The following DYTN variants were observed in gnomAD, a reference collection of about 807,000 sequenced individuals.
DYTN encodes dystrotelin.
DYTN carries 75 observed loss-of-function variants against 69.6 expected under a neutral mutation model. The observed-to-expected ratio is 1.08, with a 90% CI of 0.89 to 1.31. The LOEUF is 1.31. Among genes scored for constraint, DYTN ranks in the 50% most tolerant of loss-of-function variants. The probability of loss-of-function intolerance (pLI) is 0.00; values close to 1 mark genes in which losing one functional copy is unlikely to be tolerated. For synonymous variants in DYTN, 252 were observed against 249.1 expected (o/e 1.01, Z -0.11); for missense variants, 726 against 688.4 (o/e 1.05, Z -0.61).
intron 11 of DYTN, among the ~76,000 whole-genome samples, chr2:206,659,501 A>AC (rs1184258524): frequency 6.6e-6 from 1 of 150,538 alleles, no homozygotes; most frequent in Non-Finnish European, 1.5e-5. Context: ...AAAAAAAAAA[A>AC]AAAAAAAAAA....
At chr2:206,717,364 G>T (rs1352796358) in intron 1 of DYTN, among the ~76,000 whole-genome samples, 2 of 152,174 alleles carry the variant, frequency 1.3e-5, no homozygotes, top group African/African-American at 4.8e-5. Context: ...GGTCCTCACA[G>T]TGTGGTCCCA....
At chr2:206,698,887 G>A (rs954058050) in intron 7 of DYTN, among the ~76,000 whole-genome samples, 2 of 152,226 alleles carry the variant, frequency 1.3e-5, no homozygotes, top group Non-Finnish European at 2.9e-5. Flanking sequence ...GGGAGGCAGC[G>A]GAGCATCATG....
At chr2:206,673,270 AT>A (rs1281926017) in intron 9 of DYTN, among the ~76,000 whole-genome samples, 1 of 151,302 alleles carries the variant, frequency 6.6e-6, no homozygotes, top group African/African-American at 2.4e-5. Flanking sequence ...TTATTTTTTT[AT>A]TTTTGAGATG....
At chr2:206,709,513 G>A (rs1430509386) in intron 2 of DYTN, among the ~76,000 whole-genome samples, 2 of 151,832 alleles carry the variant, frequency 1.3e-5, no homozygotes, top group Admixed American at 6.6e-5. Flanking sequence ...AAATAGAGAA[G>A]GATGGAGTTG....
chr2:206,661,341 CAT>C (rs1244439695), intron 11 of DYTN, among the ~76,000 whole-genome samples: 2 of 152,252 alleles, frequency 1.3e-5, no homozygotes, highest in African/African-American at 4.8e-5. Context: ...TGCAAAAACA[CAT>C]GAGTATTTTA....
chr2:206,651,950 A>G lies in DYTN; in HGVS notation c.1634-29T>C, dbSNP rs771560918. On this transcript the variant is annotated intron_variant, in intron 11 of 11. Transcript: ENST00000452335. ...AAATCAACAAACAAGAGAGTCATTT[A>G]GAGAAACATACCGGTAGCTTCTCAT... is the stretch of plus-strand genomic sequence containing the variant. The G allele has an allele frequency of 5.7e-6, 9 of 1,588,022 alleles. No homozygotes were observed. The South Asian group carries it at 9.0e-5, about 16-fold the overall frequency.
intron 10 of DYTN, among the ~76,000 whole-genome samples, chr2:206,664,209 G>A (rs1009743848): frequency 2.0e-5 from 3 of 152,174 alleles, no homozygotes; most frequent in Non-Finnish European, 4.4e-5. Context: ...CACTTCTGAT[G>A]TGTACTGAAA....
chr2:206,675,143 GTGTATA>G (rs950210828), intron 9 of DYTN, among the ~76,000 whole-genome samples: 32 of 117,170 alleles, frequency 2.7e-4, no homozygotes, highest in African/African-American at 7.8e-4. Context: ...GTGTGTGTGT[GTGTATA>G]TATGTGTATA....
At chr2:206,694,620 T>A in intron 8 of DYTN, 146 bp downstream of exon 8, 1 of 521,928 alleles carries the variant, frequency 1.9e-6, no homozygotes, top group South Asian at 4.1e-5. Flanking sequence ...ATATTCAAGG[T>A]GGAGTTTGCC....
intron 11 of DYTN, among the ~76,000 whole-genome samples, chr2:206,656,183 T>C (rs969993129): frequency 6.6e-6 from 1 of 152,180 alleles, no homozygotes; most frequent in African/African-American, 2.4e-5. Context: ...GTATATATTA[T>C]AATAATTATA....
At chr2:206,678,077 G>A (rs1474443549) in intron 9 of DYTN, among the ~76,000 whole-genome samples, 2 of 151,936 alleles carry the variant, frequency 1.3e-5, no homozygotes, top group Admixed American at 6.6e-5. Flanking sequence ...GAAATAACTA[G>A]GAAGAAAGAT....
intron 10 of DYTN, among the ~76,000 whole-genome samples, chr2:206,665,369 TTAA>T (rs1294145923): frequency 6.6e-6 from 1 of 152,036 alleles, no homozygotes; most frequent in Non-Finnish European, 1.5e-5. Context: ...TTAATTTGCA[TTAA>T]TTTTATTACT....
At chr2:206,661,593 GA>G (rs1201281984) in intron 11 of DYTN, among the ~76,000 whole-genome samples, 8 of 152,024 alleles carry the variant, frequency 5.3e-5, no homozygotes. Flanking sequence ...TGAGGATGAA[GA>G]CCTTTATAAA....
intron 9 of DYTN, among the ~76,000 whole-genome samples, chr2:206,668,171 G>A (rs1360557411): frequency 6.6e-6 from 1 of 152,188 alleles, no homozygotes; most frequent in Non-Finnish European, 1.5e-5. Context: ...GTGTTCTCTG[G>A]ACCCAAAGTG....
intron 10 of DYTN, among the ~76,000 whole-genome samples, chr2:206,663,800 C>T (rs1480662105): frequency 6.6e-6 from 1 of 152,184 alleles, no homozygotes; most frequent in African/African-American, 2.4e-5. Context: ...CAGTAAGCCA[C>T]AGGGAGAAAA....
At chr2:206,692,892 A>G (rs6710079) in intron 9 of DYTN, among the ~76,000 whole-genome samples, 1 of 152,156 alleles carries the variant, frequency 6.6e-6, no homozygotes, top group Admixed American at 6.5e-5. Context: ...AAGTTATTCA[A>G]ATATTCTAAT....
rs1488626336 is a variant in DYTN at position 206,651,795 on chromosome 2, G to A, written c.*23C>T. On this transcript the variant is annotated 3_prime_UTR_variant, in exon 12 of 12. Coordinates refer to ENST00000452335, the MANE Select transcript of DYTN (RefSeq NM_001093730.1). ...ACTGCATTTTGTCATCACACCAAGA[G>A]GCCTTTGAGCCTGGACTCCATTTCA... is the stretch of plus-strand genomic sequence containing the variant. 1.2e-6 allele frequency: 2 copies of A among 1,602,610 alleles called. No homozygotes were observed. The highest frequency in any genetic ancestry group is 2.2e-5 in the South Asian group (2 of 90,814).
At chr2:206,710,710 GAAATT>G in intron 1 of DYTN, 112 bp from the exon 2 acceptor site, 1 of 815,380 alleles carries the variant, frequency 1.2e-6, no homozygotes, top group Non-Finnish European at 1.8e-6. Context: ...TGCAGGTGAG[GAAATT>G]AAGGTTTAGA....
chr2:206,672,407 T>C (rs1225671307), intron 9 of DYTN, among the ~76,000 whole-genome samples: 1 of 152,242 alleles, frequency 6.6e-6, no homozygotes, highest in Non-Finnish European at 1.5e-5. Context: ...TGAATGTTTT[T>C]CCATCCTCGT....
Sources: gnomAD v4.1 joint callset for allele counts (sites outside exome capture counted in the v4.1 genomes callset) on GRCh38, gnomAD v4.1.1 for gene constraint, MANE v1.5 for transcripts, NCBI Gene and HGNC (gene_info 2026-07-23, HGNC 2026-07-21) for gene names.